The following CMIP variants were observed in gnomAD, a reference collection of about 807,000 sequenced individuals.
The protein encoded by CMIP is c-Maf inducing protein.
A neutral mutation model predicts 97.3 loss-of-function variants in CMIP; 13 were observed. The observed-to-expected ratio is 0.13, with a 90% confidence interval of 0.09 to 0.21. The LOEUF (loss-of-function observed/expected upper bound fraction) is 0.21, where lower values mean the gene tolerates loss of function less well. CMIP is among the 10% of genes least tolerant of loss of function. CMIP has a pLI of 1.00. For synonymous variants in CMIP, 538 were observed against 436.3 expected, an observed-to-expected ratio of 1.23 and a Z score of -2.91; for missense variants, 847 against 1,024.9, an observed-to-expected ratio of 0.83 and a Z score of 2.37.
chr16:81,682,941 A>C (rs1017238), intron 10 of CMIP, among the ~76,000 whole-genome samples: 60,231 of 152,110 alleles, frequency 0.4, 12,355 homozygotes, highest in African/African-American at 0.45. Flanking sequence ...GGTGATGAAA[A>C]GAACGTGGAT....
chr16:81,590,856 CATCCATCCATCCATCA>C (rs1425171576), intron 1 of CMIP, among the ~76,000 whole-genome samples: 2 of 152,084 alleles, frequency 1.3e-5, no homozygotes, highest in African/African-American at 2.4e-5. Flanking sequence ...TCCATCCATC[CATCCATCCATCCATCA>C]CATTTCTATT....
At chr16:81,549,710 C>T (rs2090615782) in intron 1 of CMIP, among the ~76,000 whole-genome samples, 1 of 152,206 alleles carries the variant, frequency 6.6e-6, no homozygotes, top group Admixed American at 6.5e-5. Flanking sequence ...CTTTGCTAGA[C>T]CTGGTAAGCT....
At chr16:81,600,572 C>T (rs765363795) in intron 1 of CMIP, among the ~76,000 whole-genome samples, 1 of 152,204 alleles carries the variant, frequency 6.6e-6, no homozygotes, top group Non-Finnish European at 1.5e-5. Flanking sequence ...TAGTGGCTGC[C>T]TGGCGCCTGG....
In CMIP at chr16:81,711,424, G is replaced by A. The variant is rs1005148268; in HGVS notation, c.*1625G>A. 2.0e-5 allele frequency: 3 copies of A among 151,356 alleles called. No individual in the cohort carries two copies. In the East Asian group the frequency reaches 5.8e-4, roughly 29 times the overall value. 9.4% of individuals were successfully genotyped at this position (151,356 alleles called of 1,614,324 possible). The stretch of plus-strand genomic sequence containing the variant: ...GGGTTCCAGTCTTAATTCATTTTCC[G>A]TGCCAGGTTTTATTTCGTGTGTGTG... On this transcript the variant is annotated 3_prime_UTR_variant, in exon 21 of 21. Transcript: ENST00000537098.
intron 1 of CMIP, chr16:81,476,164 G>A: frequency 1.7e-6 from 2 of 1,154,518 alleles, no homozygotes; most frequent in South Asian, 1.2e-5. Flanking sequence ...CAACCACTCA[G>A]TCTTGGCAGT....
chr16:81,642,773 G>T (rs2092320886), intron 3 of CMIP, among the ~76,000 whole-genome samples: 1 of 152,206 alleles, frequency 6.6e-6, no homozygotes, highest in Non-Finnish European at 1.5e-5. Flanking sequence ...GCGGGCGCCT[G>T]TAGTCCCAGC....
chr16:81,537,402 G>A (rs970133724), intron 1 of CMIP, among the ~76,000 whole-genome samples: 6 of 151,912 alleles, frequency 3.9e-5, no homozygotes, highest in African/African-American at 1.2e-4. Context: ...AGGCATGGTG[G>A]CACGCACCTG....
rs1417896037 is a variant in CMIP, at chr16:81,445,609, C to A, written c.300+68C>A. The stretch of plus-strand genomic sequence containing the variant: ...CCCGAGATGCGCCCTCCCTGGCTGC[C>A]CCCTGGCGCTGCACCTGGAGCCCAG... On this transcript the variant is annotated intron_variant, in intron 1 of 20. Coordinates refer to ENST00000537098, the MANE Select transcript of CMIP (RefSeq NM_198390.3). 3 of 1,481,528 alleles carry A rather than the reference C, an allele frequency of 2.0e-6. No individual in the cohort carries two copies. In the African/African-American group the frequency reaches 4.2e-5, roughly 21 times the overall value. The allele number at this position is 1,481,528 out of a possible 1,614,324, so 91.8% of individuals were successfully genotyped here. A position where few individuals can be genotyped will look rare whatever the true frequency, so the allele number is the denominator to read the frequency against.
At chr16:81,611,987 G>A (rs546868707) in intron 2 of CMIP, among the ~76,000 whole-genome samples, 2 of 152,322 alleles carry the variant, frequency 1.3e-5, no homozygotes, top group African/African-American at 4.8e-5. Flanking sequence ...TTCAGCGTGA[G>A]CTCCCTCACT....
At chr16:81,591,905 C>A (rs12716917) in intron 1 of CMIP, among the ~76,000 whole-genome samples, 80,144 of 150,430 alleles carry the variant, frequency 0.53, 21,690 homozygotes, top group South Asian at 0.68. Context: ...GCTCACTGCA[C>A]CCTCCACCTC....
intron 1 of CMIP, among the ~76,000 whole-genome samples, chr16:81,576,130 G>C (rs189305340): frequency 1.3e-5 from 2 of 152,124 alleles, no homozygotes. Context: ...GCGTCTAGGC[G>C]CAGTGGCTCA....
At chr16:81,593,307 C>T (rs2091494701) in intron 1 of CMIP, among the ~76,000 whole-genome samples, 3 of 151,894 alleles carry the variant, frequency 2.0e-5, no homozygotes, top group Non-Finnish European at 4.4e-5. Flanking sequence ...CTCCTGGGTC[C>T]CCAAGGAGAG....
At chr16:81,526,081 G>A (rs996848356) in intron 1 of CMIP, among the ~76,000 whole-genome samples, 11 of 152,070 alleles carry the variant, frequency 7.2e-5, no homozygotes, top group Non-Finnish European at 1.5e-4. Context: ...TTGGCTTTGA[G>A]AATAGTGCTG....
chr16:81,665,983 CT>C (rs2151028131), intron 7 of CMIP: 1 of 152,312 alleles, frequency 6.6e-6, no homozygotes, highest in Admixed American at 6.5e-5. Context: ...TTCTGAGCCC[CT>C]CCTAGATTTG....
chr16:81,575,804 G>C (rs2091179024), intron 1 of CMIP, among the ~76,000 whole-genome samples: 1 of 152,196 alleles, frequency 6.6e-6, no homozygotes, highest in African/African-American at 2.4e-5. Flanking sequence ...TGATGTGTGT[G>C]AGTAGGGGTC....
chr16:81,602,418 C>T (rs16955628), intron 1 of CMIP, among the ~76,000 whole-genome samples: 2,893 of 152,330 alleles, frequency 0.019, 96 homozygotes, highest in East Asian at 0.15. Flanking sequence ...CTTGTCTTCA[C>T]GCATTGCCTT....
chr16:81,685,506 G>A (rs1018554709), intron 10 of CMIP, among the ~76,000 whole-genome samples: 1 of 152,032 alleles, frequency 6.6e-6, no homozygotes, highest in South Asian at 2.1e-4. Flanking sequence ...TGACATTTCT[G>A]CATGGAATAT....
chr16:81,620,638 A>G, intron 2 of CMIP: 1 of 495,752 alleles, frequency 2.0e-6, no homozygotes, highest in Non-Finnish European at 3.7e-6. Flanking sequence ...ATATACAGCA[A>G]AGGAAGCACA....
chr16:81,455,942 G>T (rs113398555), intron 1 of CMIP, among the ~76,000 whole-genome samples: 1 of 152,220 alleles, frequency 6.6e-6, no homozygotes, highest in Non-Finnish European at 1.5e-5. Flanking sequence ...TGTAGGCGAC[G>T]CAGGAGTGGC....
Sources: gnomAD v4.1 joint callset for allele counts (sites outside exome capture counted in the v4.1 genomes callset) on GRCh38, gnomAD v4.1.1 for gene constraint, MANE v1.5 for transcripts, NCBI Gene and HGNC (gene_info 2026-07-23, HGNC 2026-07-21) for gene names.